Variants in ZBTB7C observed in about 807,000 individuals in gnomAD.
The protein encoded by ZBTB7C is zinc finger and BTB domain-containing protein 7C.
In ZBTB7C, 8 loss-of-function variants were observed where a neutral mutation model predicts 25.7. That is an observed-to-expected ratio of 0.31 (90% CI 0.18 to 0.56). The LOEUF (loss-of-function observed/expected upper bound fraction) is 0.56, where lower values mean the gene tolerates loss of function less well. ZBTB7C is among the 20% of genes least tolerant of loss of function. The probability of loss-of-function intolerance (pLI) is 0.91; values close to 1 mark genes in which losing one functional copy is unlikely to be tolerated. For synonymous variants in ZBTB7C, 394 were observed against 369.0 expected (o/e 1.07, Z -0.78); for missense variants, 824 against 855.2 (o/e 0.96, Z 0.46).
chr18:48,161,579 T>G (rs1301080221), intron 3 of ZBTB7C, among the ~76,000 whole-genome samples: 1 of 151,866 alleles, frequency 6.6e-6, no homozygotes, highest in Non-Finnish European at 1.5e-5. Context: ...TCGCCTGACC[T>G]CTGAGAAAGC....
chr18:48,275,514 C>T (rs1026947692), intron 2 of ZBTB7C, among the ~76,000 whole-genome samples: 10 of 152,136 alleles, frequency 6.6e-5, no homozygotes, highest in Non-Finnish European at 8.8e-5. Flanking sequence ...TCCAGATCCC[C>T]GACTGAGAGA....
intron 2 of ZBTB7C, among the ~76,000 whole-genome samples, chr18:48,200,264 C>T (rs1048956819): frequency 2.0e-5 from 3 of 152,120 alleles, no homozygotes; most frequent in African/African-American, 7.2e-5. Context: ...CCCACCTGGT[C>T]GTGCCCCTTT....
chr18:48,313,370 T>C lies in ZBTB7C; in HGVS notation c.-79+24804A>G, dbSNP rs1383934748. 2.0e-5 allele frequency among the ~76,000 whole-genome samples: 3 copies of C among 152,206 alleles called. No homozygotes were observed. The East Asian group carries it at 5.8e-4, about 29-fold the overall frequency. ...AGCCTAGGGCAGTGGTTCTCAAGCC[T>C]GCCTGGGAATTAGATCACCTTGGTG... On this transcript the variant is annotated intron_variant, in intron 2 of 4. Coordinates refer to ENST00000590800, the MANE Select transcript of ZBTB7C (RefSeq NM_001318841.2).
chr18:48,241,627 A>C (rs918891382), intron 2 of ZBTB7C, among the ~76,000 whole-genome samples: 5 of 152,220 alleles, frequency 3.3e-5, no homozygotes, highest in African/African-American at 1.2e-4. Context: ...AATGAAATCA[A>C]GATAGAAATT....
rs764256056 is a variant in ZBTB7C at position 48,041,027 on chromosome 18, T to C, written c.81A>G (p.Gln27=). The change falls in exon 4 of 5, where the codon CAA becomes CAG. Residue 27 remains glutamine, a synonymous_variant. Coordinates refer to ENST00000590800, the MANE Select transcript of ZBTB7C (RefSeq NM_001318841.2). ...SSEVLCSLNE[Q]RHDGLLCDVL... is the part of the protein sequence containing the mutation. ...CGTCACACAGCAGGCCATCGTGCCG[T>C]TGCTCATTGAGGCTGCACAGGACCT... 7 of 1,614,038 alleles carry C rather than the reference T, an allele frequency of 4.3e-6. No homozygotes were observed. The highest frequency in any genetic ancestry group is 5.9e-6 in the Non-Finnish European group (7 of 1,179,960).
chr18:48,111,074 T>C, intron 3 of ZBTB7C, among the ~76,000 whole-genome samples: 1 of 152,082 alleles, frequency 6.6e-6, no homozygotes, highest in Non-Finnish European at 1.5e-5. Flanking sequence ...CTGGGCGCAT[T>C]CTGGCAGCTG....
At position 48,255,323 on chromosome 18, in the gene ZBTB7C, A is replaced by C. The variant is rs140264184; in HGVS notation, c.-78-69328T>G. Among the ~76,000 whole-genome samples the C allele has an allele frequency of 7.0e-4, 107 of 152,366 alleles. No individual in the cohort carries two copies. In the East Asian group the frequency reaches 0.02, roughly 29 times the overall value. ...TATTCCATATGTTTAAAAAGTTAAG[A>C]TATAGAAAGTAAGATATAAAAAGAC... On this transcript the variant is annotated intron_variant, in intron 2 of 4. Coordinates refer to ENST00000590800, the MANE Select transcript of ZBTB7C (RefSeq NM_001318841.2).
rs534186699 is a variant in ZBTB7C, at chr18:48,191,122, A to G, written c.-78-5127T>C. On this transcript the variant is annotated intron_variant, in intron 2 of 4. Coordinates refer to ENST00000590800, the MANE Select transcript of ZBTB7C (RefSeq NM_001318841.2). ...CCCAAACTCCCTGCCCAGGGCCTGC[A>G]CACACCCACCTTGCAGAGGTGGGAG... 2.6e-5 allele frequency among the ~76,000 whole-genome samples: 4 copies of G among 152,298 alleles called. No homozygotes were observed. The South Asian group carries it at 8.3e-4, about 32-fold the overall frequency.
chr18:48,154,675 C>A (rs767805273), intron 3 of ZBTB7C, among the ~76,000 whole-genome samples: 14 of 152,154 alleles, frequency 9.2e-5, no homozygotes, highest in Admixed American at 6.5e-5. Context: ...ATTATAAAGG[C>A]AGTTTTTTTA....
At chr18:48,361,570 T>A (rs928364705) in intron 1 of ZBTB7C, among the ~76,000 whole-genome samples, 5 of 152,238 alleles carry the variant, frequency 3.3e-5, no homozygotes, top group Non-Finnish European at 5.9e-5. Flanking sequence ...CCTAGGTACA[T>A]ATGCTGCTCT....
At chr18:48,367,212 CACACACACACACACACACACATACAT>C in intron 1 of ZBTB7C, among the ~76,000 whole-genome samples, 1 of 69,592 alleles carries the variant, frequency 1.4e-5, no homozygotes, top group Admixed American at 1.5e-4. Flanking sequence ...TACACACACA[CACACACACACACACACACACATACAT>C]ACACACACAC....
intron 2 of ZBTB7C, among the ~76,000 whole-genome samples, chr18:48,205,725 A>T (rs549951920): frequency 1.7e-4 from 26 of 152,170 alleles, no homozygotes; most frequent in African/African-American, 6.0e-4. Context: ...ATTGGCGAGG[A>T]TGTATAACAA....
rs148390457 is a variant in ZBTB7C at position 48,305,376 on chromosome 18, T to G, written c.-79+32798A>C. On this transcript the variant is annotated intron_variant, in intron 2 of 4. Coordinates refer to ENST00000590800, the MANE Select transcript of ZBTB7C (RefSeq NM_001318841.2). ...TGGGACTGTCAGGTCCCCAGGATGG[T>G]TCTGCTCAGGGACCTGGAGTTGGGC... Among the ~76,000 whole-genome samples the G allele has an allele frequency of 8.5e-3, 1,301 of 152,296 alleles. 19 individuals are homozygous for G. The highest frequency in any genetic ancestry group is 0.03 in the African/African-American group (1,251 of 41,572).
intron 4 of ZBTB7C, among the ~76,000 whole-genome samples, chr18:48,032,104 G>C (rs1328645953): frequency 6.6e-6 from 1 of 152,108 alleles, no homozygotes; most frequent in East Asian, 1.9e-4. Context: ...TATGAGGTAG[G>C]TTTTTTTATT....
chr18:48,344,442 G>A (rs1009453922), intron 1 of ZBTB7C, among the ~76,000 whole-genome samples: 3 of 152,176 alleles, frequency 2.0e-5, no homozygotes, highest in Non-Finnish European at 2.9e-5. Context: ...ACTGGTCTGG[G>A]ATCACCTTCT....
chr18:48,230,389 AAC>A (rs1031974545), intron 2 of ZBTB7C, among the ~76,000 whole-genome samples: 2 of 152,156 alleles, frequency 1.3e-5, no homozygotes, highest in African/African-American at 4.8e-5. Flanking sequence ...GTTGGGCTTA[AAC>A]ACAGCTCTCA....
intron 2 of ZBTB7C, chr18:48,252,339 G>A (rs1197830309): frequency 6.6e-6 from 1 of 152,124 alleles, no homozygotes; most frequent in African/African-American, 2.4e-5. Context: ...TTGTGAGTTG[G>A]GACAACTTGT....
At chr18:48,091,830 G>T (rs967001281) in intron 3 of ZBTB7C, among the ~76,000 whole-genome samples, 1 of 152,160 alleles carries the variant, frequency 6.6e-6, no homozygotes, top group African/African-American at 2.4e-5. Flanking sequence ...ATTGTCCAAT[G>T]ATACCTTCAG....
intron 3 of ZBTB7C, among the ~76,000 whole-genome samples, chr18:48,085,313 A>C (rs2038153560): frequency 6.6e-6 from 1 of 152,136 alleles, no homozygotes; most frequent in South Asian, 2.1e-4. Flanking sequence ...TCACCCAAGC[A>C]TGTTTACCTT....
Sources: allele counts gnomAD v4.1 joint callset (sites outside exome capture counted in the v4.1 genomes callset), GRCh38; gene constraint gnomAD v4.1.1; transcripts MANE v1.5; gene names NCBI Gene and HGNC (gene_info 2026-07-23, HGNC 2026-07-21).